Variants in TOM1 observed in about 807,000 individuals in gnomAD.
TOM1 encodes target of Myb protein 1.
TOM1 carries 38 observed loss-of-function variants against 61.3 expected under a neutral mutation model. The observed-to-expected ratio is 0.62, with a 90% confidence interval of 0.48 to 0.81. The LOEUF (loss-of-function observed/expected upper bound fraction) is 0.81. Among genes scored for constraint, TOM1 ranks in the 40% least tolerant of loss-of-function variants. TOM1 has a pLI of 0.00. For missense variants in TOM1, 591 were observed against 659.6 expected, an observed-to-expected ratio of 0.90 and a Z score of 1.14; for synonymous variants, 270 against 268.8, an observed-to-expected ratio of 1.00 and a Z score of -0.04.
At chr22:35,301,452 C>T (rs1925778657) in intron 1 of TOM1, among the ~76,000 whole-genome samples, 1 of 152,204 alleles carries the variant, frequency 6.6e-6, no homozygotes, top group South Asian at 2.1e-4. Context: ...GACATGCCTT[C>T]ACCCAAACAG....
At chr22:35,309,105 G>A (rs897686415) in intron 1 of TOM1, among the ~76,000 whole-genome samples, 1 of 152,192 alleles carries the variant, frequency 6.6e-6, no homozygotes, top group Non-Finnish European at 1.5e-5. Context: ...TCTCAATCAT[G>A]TTGTGGTTGA....
At chr22:35,327,558 C>T (rs1010833412) in intron 7 of TOM1, among the ~76,000 whole-genome samples, 171 bp downstream of exon 7, 1 of 152,172 alleles carries the variant, frequency 6.6e-6, no homozygotes, top group Non-Finnish European at 1.5e-5. Flanking sequence ...GGAATCAGAT[C>T]GCAGCTCTAC....
At chr22:35,335,620 C>G (rs1196447692) in intron 11 of TOM1, 1 of 154,776 alleles carries the variant, frequency 6.5e-6, no homozygotes, top group East Asian at 1.9e-4. Context: ...GGCGCCTGCC[C>G]TGGTCACCAG....
chr22:35,302,358 T>C (rs138735), intron 1 of TOM1, among the ~76,000 whole-genome samples: 16 of 129,174 alleles, frequency 1.2e-4, no homozygotes, highest in African/African-American at 4.0e-4. Context: ...TTTTTGAGAC[T>C]GCGTTTCGCT....
chr22:35,328,389 G>A (rs1001398322), intron 7 of TOM1, among the ~76,000 whole-genome samples: 4 of 152,226 alleles, frequency 2.6e-5, no homozygotes, highest in African/African-American at 4.8e-5. Context: ...GGCACTTCCC[G>A]TGTCCCGGGC....
At chr22:35,339,606 A>G (rs575887890) in intron 12 of TOM1, among the ~76,000 whole-genome samples, 1 of 152,274 alleles carries the variant, frequency 6.6e-6, no homozygotes, top group South Asian at 2.1e-4. Flanking sequence ...GCAGAGAGGA[A>G]TAAAAGAGCG....
chr22:35,324,852 G>C (rs1189166623), intron 6 of TOM1, among the ~76,000 whole-genome samples: 1 of 152,250 alleles, frequency 6.6e-6, no homozygotes, highest in Non-Finnish European at 1.5e-5. Context: ...ACCCAGCCAA[G>C]AAGGTTTGAG....
At chr22:35,335,991 G>C (rs920159157) in intron 11 of TOM1, among the ~76,000 whole-genome samples, 3 of 152,162 alleles carry the variant, frequency 2.0e-5, no homozygotes, top group Non-Finnish European at 4.4e-5. Flanking sequence ...ACAGGGAAGG[G>C]GGCAGGATGC....
At position 35,330,500 on chromosome 22, in the gene TOM1, T is replaced by G; in HGVS notation, c.899+20T>G. Reference sequence around the variant, plus strand: ...TGAACGGTAGCCCCAGCACCTCCCCTGGCCTCTGGCCTACTGCCCCAACCC... The same window carrying G: ...TGAACGGTAGCCCCAGCACCTCCCCGGGCCTCTGGCCTACTGCCCCAACCC... On this transcript the variant is annotated intron_variant, in intron 8 of 14. Coordinates refer to ENST00000449058, the MANE Select transcript of TOM1 (RefSeq NM_005488.3). The G allele has an allele frequency of 6.3e-7, 1 of 1,596,500 alleles. No homozygotes were observed. The highest frequency in any genetic ancestry group is 8.5e-7 in the Non-Finnish European group (1 of 1,170,550).
Position 35,323,215 on chromosome 22 carries a change from G to C in TOM1, c.366+38G>C. On this transcript the variant is annotated intron_variant, in intron 4 of 14. Coordinates refer to ENST00000449058, the MANE Select transcript of TOM1 (RefSeq NM_005488.3). The surrounding 1 kb of genome is among the most constrained non-coding windows in gnomAD (Gnocchi z 4.2). ...ACAGGGCAGGGCACGGCCAGGAAGAGCTGTCAGTGCAGGAGCTTCCTGCCC... is the reference window on the plus strand; with the variant it reads ...ACAGGGCAGGGCACGGCCAGGAAGACCTGTCAGTGCAGGAGCTTCCTGCCC... The C allele has an allele frequency of 6.2e-7, 1 of 1,607,474 alleles. No individual in the cohort carries two copies. Among genetic ancestry groups the C allele is most frequent in the Non-Finnish European group, 8.5e-7 (1 of 1,178,844 alleles).
At chr22:35,312,577 T>C (rs938342867) in intron 1 of TOM1, among the ~76,000 whole-genome samples, 1 of 152,232 alleles carries the variant, frequency 6.6e-6, no homozygotes, top group African/African-American at 2.4e-5. Flanking sequence ...TGCAGGCAAA[T>C]TGCTGCCTTC....
chr22:35,346,887 G>A (rs1229429207), intron 13 of TOM1, 43 bp from the exon 14 acceptor site: 5 of 1,596,634 alleles, frequency 3.1e-6, no homozygotes, highest in African/African-American at 2.7e-5. Flanking sequence ...GACCGTACTG[G>A]GGGCCCGGCT....
At chr22:35,346,596 C>T (rs974986452) in intron 13 of TOM1, among the ~76,000 whole-genome samples, 9 of 152,316 alleles carry the variant, frequency 5.9e-5, no homozygotes, top group Non-Finnish European at 1.0e-4. Context: ...TCATCAAGGT[C>T]CCACTGGGCA....
At position 35,323,856 on chromosome 22, in the gene TOM1, C is replaced by T; in HGVS notation, c.590C>T (p.Pro197Leu). 1 of 1,611,644 alleles carries T rather than the reference C, an allele frequency of 6.2e-7. No individual in the cohort carries two copies. The highest frequency in any genetic ancestry group is 8.5e-7 in the Non-Finnish European group (1 of 1,178,662). ...QQEDSGQHAA[P>L]LPAPPILSGD... ...GAGGACTCTGGCCAGCATGCTGCCCCTCTGCCCGCCCCGCCCATACTCTCC... is the reference window on the plus strand; with the variant it reads ...GAGGACTCTGGCCAGCATGCTGCCCTTCTGCCCGCCCCGCCCATACTCTCC... Residue 197 changes from proline to leucine, a missense_variant, in exon 6 of 15, where the codon CCT becomes CTT. Physicochemically the swap from Pro to Leu is moderately conservative, Grantham distance 98 (BLOSUM62 -3). Transcript: ENST00000449058. The surrounding 1 kb of genome is among the most constrained non-coding windows in gnomAD (Gnocchi z 4.2).
intron 9 of TOM1, 144 bp downstream of exon 9, chr22:35,333,158 G>A (rs1404663092): frequency 1.0e-6 from 1 of 973,254 alleles, no homozygotes; most frequent in Non-Finnish European, 1.6e-6. Flanking sequence ...AACTTTTTAT[G>A]TCCCTGTCCC....
rs888015530 is a variant in TOM1 at position 35,333,252 on chromosome 22, A to G, written c.934-152A>G. 4 of 820,804 alleles carry G rather than the reference A, an allele frequency of 4.9e-6. No homozygotes were observed. In the African/African-American group the frequency reaches 6.8e-5, roughly 14 times the overall value. The allele number at this position is 820,804 out of a possible 1,614,324, so 50.8% of individuals were successfully genotyped here. A position where few individuals can be genotyped will look rare whatever the true frequency, so the allele number is the denominator to read the frequency against. Reference sequence around the variant, plus strand: ...GGGAGTCCAGTTGAGCTGGAGCCAGAGGGGAGGAAGGAAATTCCCTGATGC... The same window carrying G: ...GGGAGTCCAGTTGAGCTGGAGCCAGGGGGGAGGAAGGAAATTCCCTGATGC... On this transcript the variant is annotated intron_variant, in intron 9 of 14. Transcript: ENST00000449058.
chr22:35,310,737 G>T lies in TOM1; in HGVS notation c.53-7140G>T, dbSNP rs947139936. 4.6e-5 allele frequency among the ~76,000 whole-genome samples: 7 copies of T among 152,314 alleles called. No homozygotes were observed. The South Asian group carries it at 1.5e-3, about 32-fold the overall frequency. The stretch of plus-strand genomic sequence containing the variant: ...GTCATTCAGCAAACAGGTACTGCAG[G>T]TTTATCATGGCCCAGGTCCCATCTG... On this transcript the variant is annotated intron_variant, in intron 1 of 14. Coordinates refer to ENST00000449058, the MANE Select transcript of TOM1 (RefSeq NM_005488.3).
intron 10 of TOM1, among the ~76,000 whole-genome samples, chr22:35,333,955 C>T (rs1219523862): frequency 2.0e-5 from 3 of 152,324 alleles, no homozygotes; most frequent in Admixed American, 2.0e-4. Flanking sequence ...CTGTCTGCTT[C>T]ATGCCAAGCC....
chr22:35,323,863 C>A lies in TOM1; in HGVS notation c.597C>A (p.Pro199=). 6.2e-7 allele frequency: 1 copy of A among 1,609,850 alleles called. No homozygotes were observed. ...EDSGQHAAPL[P]APPILSGDTP... ...CTGGCCAGCATGCTGCCCCTCTGCC[C>A]GCCCCGCCCATACTCTCCGGTGACA... The change falls in exon 6 of 15, where the codon CCC becomes CCA. Residue 199 remains proline, a synonymous_variant. Transcript: ENST00000449058. This position sits in a 1 kb window ranked among gnomAD's most constrained non-coding sequence, Gnocchi z 4.2.
Sources: allele counts gnomAD v4.1 joint callset (sites outside exome capture counted in the v4.1 genomes callset), GRCh38; gene constraint gnomAD v4.1.1; non-coding constraint Gnocchi (gnomAD v3.1); transcripts MANE v1.5; gene names NCBI Gene and HGNC (gene_info 2026-07-23, HGNC 2026-07-21).